Variants in ARHGEF28 observed in about 807,000 individuals in gnomAD.
The protein encoded by ARHGEF28 is 190 kDa guanine nucleotide exchange factor.
In ARHGEF28, 152 loss-of-function variants were observed where a neutral mutation model predicts 206.6. That is an observed-to-expected ratio of 0.74 (90% CI 0.64 to 0.84). The LOEUF (loss-of-function observed/expected upper bound fraction) is 0.84, where lower values mean the gene tolerates loss of function less well. Among genes scored for constraint, ARHGEF28 ranks in the 40% least tolerant of loss-of-function variants. The pLI is 0.00. For synonymous variants in ARHGEF28, 763 were observed against 776.4 expected, an observed-to-expected ratio of 0.98 and a Z score of 0.29; for missense variants, 2,028 against 2,073.2, an observed-to-expected ratio of 0.98 and a Z score of 0.42.
chr5:73,799,523 C>G (rs1475893182), intron 9 of ARHGEF28, among the ~76,000 whole-genome samples: 2 of 152,154 alleles, frequency 1.3e-5, no homozygotes, highest in Non-Finnish European at 1.5e-5. Flanking sequence ...ACATGATGCT[C>G]CTGTTCTTTC....
chr5:73,671,444 T>G (rs1007356027), intron 1 of ARHGEF28, among the ~76,000 whole-genome samples: 1 of 152,074 alleles, frequency 6.6e-6, no homozygotes, highest in African/African-American at 2.4e-5. Context: ...AGCAAATGAA[T>G]GAACTTTTGG....
chr5:73,686,374 A>T (rs2112252825), intron 2 of ARHGEF28, among the ~76,000 whole-genome samples: 1 of 151,790 alleles, frequency 6.6e-6, no homozygotes, highest in African/African-American at 2.4e-5. Context: ...TAGCTGACCG[A>T]CCTCCTCATG....
chr5:73,676,524 C>A (rs1746702618), intron 1 of ARHGEF28, among the ~76,000 whole-genome samples: 1 of 152,136 alleles, frequency 6.6e-6, no homozygotes. Context: ...CAGGCATGAA[C>A]CAACATGCCA....
intron 1 of ARHGEF28, among the ~76,000 whole-genome samples, chr5:73,668,427 G>C (rs1414769552): frequency 1.3e-5 from 2 of 152,208 alleles, no homozygotes; most frequent in African/African-American, 4.8e-5. Context: ...TGGCAAGAGA[G>C]CATGACAGAG....
intron 10 of ARHGEF28, among the ~76,000 whole-genome samples, chr5:73,839,023 T>G (rs1313120106): frequency 6.6e-6 from 1 of 152,216 alleles, no homozygotes; most frequent in African/African-American, 2.4e-5. Flanking sequence ...TTTTTGTTCT[T>G]GTGTTTTGCT....
At chr5:73,745,768 A>G (rs546535974) in intron 2 of ARHGEF28, among the ~76,000 whole-genome samples, 6 of 152,060 alleles carry the variant, frequency 3.9e-5, no homozygotes, top group Non-Finnish European at 8.8e-5. Flanking sequence ...TTGACAGGGA[A>G]AGGGAATGAT....
At chr5:73,652,278 TGAG>T (rs1365713186) in intron 1 of ARHGEF28, among the ~76,000 whole-genome samples, 1 of 152,228 alleles carries the variant, frequency 6.6e-6, no homozygotes, top group Non-Finnish European at 1.5e-5. Context: ...AAAAGTCTGA[TGAG>T]GAGTTTAGAA....
Position 73,885,929 on chromosome 5 carries a change from C to A in ARHGEF28, c.3135C>A (p.Val1045=). ...TGATTGCAACAGTGGATTTAAAAGT[C>A]AATGAATATGAGAAAAACCAAAAAT... ...KDMIATVDLK[V]NEYEKNQKWL... Residue 1045 remains valine (V), a synonymous_variant, in exon 25 of 36, where the codon GTC becomes GTA. Coordinates refer to ENST00000513042, the MANE Select transcript of ARHGEF28 (RefSeq NM_001177693.2). 1 of 1,613,416 alleles carries A rather than the reference C, an allele frequency of 6.2e-7. No individual in the cohort carries two copies. The highest frequency in any genetic ancestry group is 1.1e-5 in the South Asian group (1 of 90,996).
chr5:73,901,259 T>C lies in ARHGEF28; in HGVS notation c.4049T>C (p.Leu1350Ser). 6.2e-7 allele frequency: 1 copy of C among 1,613,258 alleles called. No individual in the cohort carries two copies. ...GGGATCCAGGGTGTGGTAACCGACTTGGCCGTCTCTGATGCAGGGGAGAAG... is the reference window on the plus strand; with the variant it reads ...GGGATCCAGGGTGTGGTAACCGACTCGGCCGTCTCTGATGCAGGGGAGAAG... ...DPGIQGVVTD[L>S]AVSDAGEKVE... Residue 1350 changes from leucine to serine, a missense_variant, in exon 31 of 36, where the codon TTG (leucine) becomes TCG (serine). This residue lies in a region of ARHGEF28 where 803 missense variants were observed against 768.0 expected (regional missense o/e 1.05). Coordinates refer to ENST00000513042, the MANE Select transcript of ARHGEF28 (RefSeq NM_001177693.2).
rs6866694 is a variant in ARHGEF28 at position 73,763,632 on chromosome 5, A to T, written c.476-10223A>T. On this transcript the variant is annotated intron_variant, in intron 4 of 35. Coordinates refer to ENST00000513042, the MANE Select transcript of ARHGEF28 (RefSeq NM_001177693.2). ...CTGAGAATTCTAGCTCATCTGGGGT[A>T]TAAGGGGAGATCTTGCAGAAGAGTG... Among the ~76,000 whole-genome samples the T allele has an allele frequency of 2.6e-5, 4 of 152,294 alleles. No individual in the cohort carries two copies. In the East Asian group the frequency reaches 7.7e-4, roughly 29 times the overall value.
In ARHGEF28 at chr5:73,914,080, G is replaced by T. The variant is rs532431498; in HGVS notation, c.4948+2505G>T. Reference sequence around the variant, plus strand: ...AATTTCTGTTGGTTTTTTCAGTACAGCCTCAGCAGACATTTTTGTGCTCTA... The same window carrying T: ...AATTTCTGTTGGTTTTTTCAGTACATCCTCAGCAGACATTTTTGTGCTCTA... On this transcript the variant is annotated intron_variant, in intron 35 of 35. Transcript: ENST00000513042. Among the ~76,000 whole-genome samples the T allele has an allele frequency of 2.0e-5, 3 of 152,214 alleles. No homozygotes were observed. In the East Asian group the frequency reaches 5.8e-4, roughly 29 times the overall value.
chr5:73,703,809 G>A (rs1045114471), intron 2 of ARHGEF28, among the ~76,000 whole-genome samples: 35 of 151,894 alleles, frequency 2.3e-4, no homozygotes, highest in African/African-American at 5.3e-4. Context: ...AGGCCGAGGC[G>A]GGCAGATCAC....
At chr5:73,772,517 C>T (rs1329140727) in intron 4 of ARHGEF28, among the ~76,000 whole-genome samples, 2 of 152,058 alleles carry the variant, frequency 1.3e-5, no homozygotes, top group African/African-American at 4.8e-5. Context: ...TAGCTGGGAC[C>T]ACAGGCGAGT....
At chr5:73,644,832 G>C (rs1363009421) in intron 1 of ARHGEF28, among the ~76,000 whole-genome samples, 1 of 152,144 alleles carries the variant, frequency 6.6e-6, no homozygotes, top group Non-Finnish European at 1.5e-5. Flanking sequence ...CTGGGAATCT[G>C]TATTAAACTC....
chr5:73,671,412 T>G (rs1269321478), intron 1 of ARHGEF28, among the ~76,000 whole-genome samples: 1 of 152,142 alleles, frequency 6.6e-6, no homozygotes, highest in African/African-American at 2.4e-5. Context: ...CTTTTCATAC[T>G]GAACTCAGAC....
intron 9 of ARHGEF28, among the ~76,000 whole-genome samples, chr5:73,829,442 G>A (rs567788015): frequency 3.3e-5 from 5 of 152,178 alleles, no homozygotes; most frequent in East Asian, 1.9e-4. Context: ...GTGCAGTGGC[G>A]CAATCTCGGC....
At chr5:73,938,259 C>T (rs1764536063) in intron 35 of ARHGEF28, among the ~76,000 whole-genome samples, 1 of 150,966 alleles carries the variant, frequency 6.6e-6, no homozygotes, top group Admixed American at 6.6e-5. Context: ...GTAGAGCATA[C>T]AATGTAACTT....
chr5:73,927,446 T>G (rs1763883417), intron 35 of ARHGEF28, among the ~76,000 whole-genome samples: 1 of 152,208 alleles, frequency 6.6e-6, no homozygotes, highest in South Asian at 2.1e-4. Context: ...AAAGCTAGAT[T>G]ATTGCTATAT....
intron 1 of ARHGEF28, among the ~76,000 whole-genome samples, chr5:73,638,684 C>A (rs528294934): frequency 6.6e-6 from 1 of 152,040 alleles, no homozygotes; most frequent in African/African-American, 2.4e-5. Flanking sequence ...CTGATTAGTA[C>A]CTAAAATTAA....
Sources: gnomAD v4.1 joint callset for allele counts (sites outside exome capture counted in the v4.1 genomes callset) on GRCh38, gnomAD v4.1.1 for gene constraint, gnomAD v4.1.1 regional missense constraint, MANE v1.5 for transcripts, NCBI Gene and HGNC (gene_info 2026-07-23, HGNC 2026-07-21) for gene names.